Variants in PCDH15 observed in about 807,000 individuals in gnomAD.
The protein encoded by PCDH15 is protocadherin-15.
Under a neutral mutation model 178.5 loss-of-function variants are expected in PCDH15, and 129 were observed. The ratio of observed to expected loss-of-function variants is 0.72; its 90% confidence interval spans 0.63 to 0.84. The LOEUF is 0.84. PCDH15 is among the 40% of genes least tolerant of loss of function. The pLI is 0.00. For missense variants in PCDH15, 2,230 were observed against 2,099.9 expected (o/e 1.06, Z -1.21); for synonymous variants, 800 against 732.0 (o/e 1.09, Z -1.50).
intron 2 of PCDH15, among the ~76,000 whole-genome samples, chr10:55,038,239 C>T (rs990916212): frequency 5.9e-5 from 9 of 152,072 alleles, no homozygotes; most frequent in African/African-American, 2.2e-4. Context: ...GTATAGTCTT[C>T]TTTGGAATTT....
At chr10:55,053,710 C>T (rs146451387) in intron 2 of PCDH15, among the ~76,000 whole-genome samples, 9 of 152,240 alleles carry the variant, frequency 5.9e-5, no homozygotes, top group Non-Finnish European at 1.3e-4. Context: ...TGTGCAAGTA[C>T]AGGTCATAAT....
At chr10:54,779,531 C>CATATATGTGTGTATATATATATACACAA (rs1555192936) in intron 1 of PCDH15, among the ~76,000 whole-genome samples, 2 of 132,700 alleles carry the variant, frequency 1.5e-5, no homozygotes, top group Non-Finnish European at 3.2e-5. Flanking sequence ...TATATACACA[C>CATATATGTGTGTATATATATATACACAA]ACATATATAT....
intron 1 of PCDH15, among the ~76,000 whole-genome samples, chr10:55,252,359 C>G (rs146503451): frequency 8.5e-5 from 13 of 152,078 alleles, no homozygotes; most frequent in African/African-American, 3.1e-4. Context: ...TATGTCTGTG[C>G]CCTAGATGTA....
In PCDH15 at chr10:54,520,166, G is replaced by T. The variant is rs149914484; in HGVS notation, c.157+7646C>A. Among the ~76,000 whole-genome samples the T allele has an allele frequency of 5.5e-3, 839 of 152,274 alleles. 13 individuals carry two copies. The highest frequency in any genetic ancestry group is 0.019 in the African/African-American group (799 of 41,534). ...ACATAGTCATGGGCAAGGACTTTAT[G>T]TCTAAAACACCAAAAGCAATGGCAA... On this transcript the variant is annotated intron_variant, in intron 3 of 37. Coordinates refer to ENST00000644397, the MANE Select transcript of PCDH15 (RefSeq NM_001384140.1).
intron 23 of PCDH15, among the ~76,000 whole-genome samples, chr10:53,957,501 A>ATGTTTTT (rs2087737808): frequency 1.8e-5 from 1 of 57,098 alleles, no homozygotes; most frequent in Non-Finnish European, 3.6e-5. Flanking sequence ...TATATTTACT[A>ATGTTTTT]TGTTTTTTTT....
At chr10:54,089,265 CA>C (rs1470685350) in intron 16 of PCDH15, among the ~76,000 whole-genome samples, 1 of 152,104 alleles carries the variant, frequency 6.6e-6, no homozygotes, top group East Asian at 1.9e-4. Context: ...AATCATTGGC[CA>C]AGTTTACATT....
At chr10:54,660,435 G>A (rs929036619) in intron 2 of PCDH15, among the ~76,000 whole-genome samples, 1 of 151,950 alleles carries the variant, frequency 6.6e-6, no homozygotes, top group East Asian at 1.9e-4. Flanking sequence ...AAATCCTGAA[G>A]AGACATATAA....
At chr10:55,361,680 AG>A (rs1845233098) in intron 2 of PCDH15, among the ~76,000 whole-genome samples, 1 of 152,082 alleles carries the variant, frequency 6.6e-6, no homozygotes, top group African/African-American at 2.4e-5. Context: ...ATAGGAATGA[AG>A]TTCACTTCAT....
At chr10:54,757,030 C>T (rs1449089088) in intron 1 of PCDH15, among the ~76,000 whole-genome samples, 1 of 151,866 alleles carries the variant, frequency 6.6e-6, no homozygotes, top group East Asian at 1.9e-4. Context: ...TACCATATGT[C>T]TCAAAAAACA....
intron 26 of PCDH15, among the ~76,000 whole-genome samples, chr10:53,902,639 A>G (rs141125688): frequency 6.6e-6 from 1 of 152,286 alleles, no homozygotes; most frequent in African/African-American, 2.4e-5. Context: ...ATAAACTATT[A>G]TAAGAGTAAT....
chr10:54,046,069 A>G (rs1590097246), intron 18 of PCDH15, among the ~76,000 whole-genome samples: 4 of 152,302 alleles, frequency 2.6e-5, no homozygotes, highest in Admixed American at 2.6e-4. Context: ...GAAATTCAAA[A>G]TAGTAAGTAA....
At chr10:55,589,727 G>A (rs1018318314) in intron 2 of PCDH15, among the ~76,000 whole-genome samples, 8 of 149,966 alleles carry the variant, frequency 5.3e-5, no homozygotes, top group African/African-American at 2.0e-4. Flanking sequence ...CATCATCACT[G>A]GCCATCAGAG....
chr10:54,473,622 A>C (rs1029468091), intron 3 of PCDH15, among the ~76,000 whole-genome samples: 12 of 152,080 alleles, frequency 7.9e-5, no homozygotes, highest in Non-Finnish European at 1.8e-4. Context: ...TCAATATTAA[A>C]ATACCATGCT....
At chr10:55,035,469 A>G (rs1223240559) in intron 2 of PCDH15, among the ~76,000 whole-genome samples, 1 of 152,096 alleles carries the variant, frequency 6.6e-6, no homozygotes. Context: ...CCTCTCTGTA[A>G]AGACTTCCCT....
chr10:55,369,722 C>T (rs1001775459), intron 2 of PCDH15, among the ~76,000 whole-genome samples: 1 of 151,992 alleles, frequency 6.6e-6, no homozygotes, highest in Non-Finnish European at 1.5e-5. Flanking sequence ...CATGTGAGAT[C>T]ATATTATCTA....
intron 2 of PCDH15, among the ~76,000 whole-genome samples, chr10:54,995,771 C>T (rs1839628080): frequency 1.3e-5 from 2 of 151,866 alleles, no homozygotes; most frequent in South Asian, 4.2e-4. Context: ...TAACAGGTTA[C>T]TGCATCTGGA....
At chr10:55,428,288 T>A in intron 2 of PCDH15, among the ~76,000 whole-genome samples, 1 of 151,428 alleles carries the variant, frequency 6.6e-6, no homozygotes, top group Admixed American at 6.6e-5. Flanking sequence ...TATAATTGTG[T>A]ATTTATCTAT....
chr10:53,857,348 A>G lies in PCDH15; in HGVS notation c.3718-85T>C, dbSNP rs190873962. The G allele has an allele frequency of 1.1e-5, 10 of 928,324 alleles. No individual in the cohort carries two copies. In the Admixed American group the frequency reaches 1.6e-4, roughly 15 times the overall value. 57.5% of individuals were successfully genotyped at this position (928,324 alleles called of 1,614,324 possible). A position where few individuals can be genotyped will look rare whatever the true frequency, so the allele number is the denominator to read the frequency against. On this transcript the variant is annotated intron_variant, in intron 27 of 37. Coordinates refer to ENST00000644397, the MANE Select transcript of PCDH15 (RefSeq NM_001384140.1). ...AAAACCCCCACATTACCTCTTCCCT[A>G]CTATGCATAGACACAGTGGTTTCTG...
At position 53,863,151 on chromosome 10, in the gene PCDH15, G is replaced by A. The variant is rs116386956; in HGVS notation, c.3717+3491C>T. On this transcript the variant is annotated intron_variant, in intron 27 of 37. Transcript: ENST00000644397. Reference sequence around the variant, plus strand: ...ATCTGGTGTTCAGGAATGATCTTTAGTGTAAAGATGTAAGTATGAGCGCTT... The same window carrying A: ...ATCTGGTGTTCAGGAATGATCTTTAATGTAAAGATGTAAGTATGAGCGCTT... Among the ~76,000 whole-genome samples the A allele has an allele frequency of 3.9e-3, 590 of 152,318 alleles. 4 individuals are homozygous for A. The highest frequency in any genetic ancestry group is 0.013 in the African/African-American group (558 of 41,582).
Sources: allele counts gnomAD v4.1 joint callset (sites outside exome capture counted in the v4.1 genomes callset), GRCh38; gene constraint gnomAD v4.1.1; transcripts MANE v1.5; gene names NCBI Gene and HGNC (gene_info 2026-07-23, HGNC 2026-07-21).